The following FBXO36 variants were observed in gnomAD, a reference collection of about 807,000 sequenced individuals.
The protein encoded by FBXO36 is F-box protein 36.
FBXO36 carries 18 observed loss-of-function variants against 17.0 expected under a neutral mutation model. The ratio of observed to expected loss-of-function variants is 1.06; its 90% CI spans 0.73 to 1.57. The LOEUF is 1.57. Ranked by LOEUF, FBXO36 falls within the 40% of genes most tolerant of loss-of-function variation. The probability of loss-of-function intolerance (pLI) is 0.00; values close to 1 mark genes in which losing one functional copy is unlikely to be tolerated. For synonymous variants in FBXO36, 83 were observed against 85.3 expected (o/e 0.97, Z 0.15); for missense variants, 229 against 221.9 (o/e 1.03, Z -0.20).
intron 1 of FBXO36, among the ~76,000 whole-genome samples, chr2:229,930,915 C>T (rs1029010724): frequency 6.6e-6 from 1 of 152,138 alleles, no homozygotes; most frequent in Non-Finnish European, 1.5e-5. Flanking sequence ...CGCAAACATT[C>T]CCTTCCCTGC....
chr2:229,943,791 C>A (rs535808516), intron 1 of FBXO36, among the ~76,000 whole-genome samples: 1 of 152,272 alleles, frequency 6.6e-6, no homozygotes, highest in East Asian at 1.9e-4. Flanking sequence ...GTAGCAGTGT[C>A]TGTTTGCTGA....
chr2:230,004,746 C>A (rs576053796), intron 3 of FBXO36, among the ~76,000 whole-genome samples: 1 of 152,292 alleles, frequency 6.6e-6, no homozygotes, highest in South Asian at 2.1e-4. Flanking sequence ...GTGGCTCACA[C>A]CTGTAATCCC....
rs1033388849 is a variant in FBXO36 at position 229,998,871 on chromosome 2, C to G, written c.378+1948C>G. 5.4e-5 allele frequency among the ~76,000 whole-genome samples: 8 copies of G among 148,994 alleles called. No individual in the cohort carries two copies. The Admixed American group carries it at 5.4e-4, about 10-fold the overall frequency. The stretch of plus-strand genomic sequence containing the variant: ...AGGCTGAAGTGCAGTGGCGCGATCT[C>G]GGCTTACTACAAGCTCTGCCTCCCA... On this transcript the variant is annotated intron_variant, in intron 3 of 3. Coordinates refer to ENST00000283946, the MANE Select transcript of FBXO36 (RefSeq NM_174899.5).
intron 1 of FBXO36, among the ~76,000 whole-genome samples, chr2:229,953,548 G>T (rs2106174504): frequency 6.6e-6 from 1 of 151,436 alleles, no homozygotes; most frequent in South Asian, 2.1e-4. Context: ...CAAGCATAGT[G>T]GTACATGCCT....
chr2:230,002,644 A>T (rs1255640676), intron 3 of FBXO36, among the ~76,000 whole-genome samples: 1 of 152,074 alleles, frequency 6.6e-6, no homozygotes, highest in African/African-American at 2.4e-5. Flanking sequence ...TCAGCCTCCC[A>T]AAGTGTTAGG....
intron 1 of FBXO36, among the ~76,000 whole-genome samples, chr2:229,938,897 T>G (rs1390376075): frequency 6.8e-6 from 1 of 147,086 alleles, no homozygotes; most frequent in Non-Finnish European, 1.5e-5. Flanking sequence ...GTAGCTGGGA[T>G]TACAGGCACC....
chr2:229,956,771 G>A (rs1321710620), intron 1 of FBXO36, among the ~76,000 whole-genome samples: 2 of 152,156 alleles, frequency 1.3e-5, no homozygotes, highest in African/African-American at 2.4e-5. Flanking sequence ...AAAGGGACAA[G>A]AGACAGAAGG....
intron 1 of FBXO36, among the ~76,000 whole-genome samples, chr2:229,953,085 C>A (rs1336940324): frequency 6.6e-6 from 1 of 152,182 alleles, no homozygotes; most frequent in Non-Finnish European, 1.5e-5. Context: ...CGCCTGTAAT[C>A]CCAGCACTTC....
intron 2 of FBXO36, among the ~76,000 whole-genome samples, chr2:229,992,772 A>C (rs2077304423): frequency 6.6e-6 from 1 of 152,190 alleles, no homozygotes; most frequent in Admixed American, 6.5e-5. Context: ...AACTTAACTG[A>C]GTGGTTCTGA....
intron 1 of FBXO36, among the ~76,000 whole-genome samples, chr2:229,955,511 G>A (rs547922492): frequency 1.2e-4 from 18 of 149,794 alleles, no homozygotes; most frequent in African/African-American, 3.9e-4. Flanking sequence ...GTGAGACCCC[G>A]TCTCAGAAAA....
intron 1 of FBXO36, among the ~76,000 whole-genome samples, chr2:229,963,222 C>T (rs1372365772): frequency 6.6e-6 from 1 of 151,766 alleles, no homozygotes; most frequent in Non-Finnish European, 1.5e-5. Flanking sequence ...CCTGCCACCA[C>T]ACCCAGCTAA....
chr2:229,922,737 C>T lies in FBXO36; in HGVS notation c.96+128C>T. On this transcript the variant is annotated intron_variant, in intron 1 of 3. Transcript: ENST00000283946. ...GGAAGCGCCCAGTCCCGGCTCCGCG[C>T]CGGGAGATTTTCCTCGTCACCTCGG... is the stretch of plus-strand genomic sequence containing the variant. 3.2e-6 allele frequency: 3 copies of T among 924,406 alleles called. No individual in the cohort carries two copies. In the South Asian group the frequency reaches 5.1e-5, roughly 16 times the overall value. The allele number at this position is 924,406 out of a possible 1,614,324, so 57.3% of individuals were successfully genotyped here.
intron 3 of FBXO36, among the ~76,000 whole-genome samples, chr2:230,004,623 C>T (rs2077377266): frequency 6.6e-6 from 1 of 152,154 alleles, no homozygotes; most frequent in African/African-American, 2.4e-5. Flanking sequence ...CCGGTACACA[C>T]ACCCTTCTAA....
intron 1 of FBXO36, among the ~76,000 whole-genome samples, chr2:229,956,178 G>T (rs1175333178): frequency 6.6e-6 from 1 of 152,168 alleles, no homozygotes; most frequent in Non-Finnish European, 1.5e-5. Flanking sequence ...TTAAACAATA[G>T]AAATGTATTT....
rs1040556997 is a variant in FBXO36 at position 230,007,507 on chromosome 2, A to G, written c.379-3189A>G. Reference sequence around the variant, plus strand: ...CAGATGCCAGGCCCATCCCCTGAGCATCTGGCTTGGTAGATCTGAGGTGGA... The same window carrying G: ...CAGATGCCAGGCCCATCCCCTGAGCGTCTGGCTTGGTAGATCTGAGGTGGA... On this transcript the variant is annotated intron_variant, in intron 3 of 3. Coordinates refer to ENST00000283946, the MANE Select transcript of FBXO36 (RefSeq NM_174899.5). 2.6e-5 allele frequency among the ~76,000 whole-genome samples: 4 copies of G among 152,202 alleles called. No homozygotes were observed. The South Asian group carries it at 8.3e-4, about 31-fold the overall frequency.
In FBXO36 at chr2:229,950,207, C is replaced by T. The variant is rs543345871; in HGVS notation, c.97-26034C>T. ...CTTTGGGAGCCTGAGGTGGGTGGAT[C>T]ACGAGGTCAGGGGTTCGAGACCAGC... On this transcript the variant is annotated intron_variant, in intron 1 of 3. Transcript: ENST00000283946. Among the ~76,000 whole-genome samples, 45 of 152,134 alleles carry T rather than the reference C, an allele frequency of 3.0e-4. 1 individual carries two copies. Among genetic ancestry groups the T allele is most frequent in the African/African-American group, 9.9e-4 (41 of 41,516 alleles).
intron 3 of FBXO36, among the ~76,000 whole-genome samples, chr2:230,002,386 T>A (rs2077364178): frequency 6.6e-6 from 1 of 152,066 alleles, no homozygotes; most frequent in African/African-American, 2.4e-5. Context: ...ACGTTAATTT[T>A]TTTTTTTTCC....
chr2:229,926,244 A>C (rs1481696620), intron 1 of FBXO36, among the ~76,000 whole-genome samples: 1 of 152,110 alleles, frequency 6.6e-6, no homozygotes, highest in Non-Finnish European at 1.5e-5. Flanking sequence ...AGCCTGGCCA[A>C]CATGGCAAAA....
At chr2:229,972,927 T>TGG (rs781104280) in intron 1 of FBXO36, among the ~76,000 whole-genome samples, 3 of 151,850 alleles carry the variant, frequency 2.0e-5, no homozygotes, top group Non-Finnish European at 2.9e-5. Context: ...CCAGGCGTGG[T>TGG]GGCGTGCGCC....
Sources: allele counts gnomAD v4.1 joint callset (sites outside exome capture counted in the v4.1 genomes callset), GRCh38; gene constraint gnomAD v4.1.1; transcripts MANE v1.5; gene names NCBI Gene and HGNC (gene_info 2026-07-23, HGNC 2026-07-21).